The following CHST15 variants were observed in gnomAD, a reference collection of about 807,000 sequenced individuals.
CHST15 encodes B cell RAG associated protein (GALNAC4S-6ST).
CHST15 carries 30 observed loss-of-function variants against 53.6 expected under a neutral mutation model. The ratio of observed to expected loss-of-function variants is 0.56; its 90% CI spans 0.42 to 0.76. CHST15 has a LOEUF of 0.76. Ranked by LOEUF, CHST15 falls within the 30% of genes least tolerant of loss-of-function variation. The pLI is 0.00. For synonymous variants in CHST15, 296 were observed against 289.8 expected, an observed-to-expected ratio of 1.02 and a Z score of -0.22; for missense variants, 627 against 740.5, an observed-to-expected ratio of 0.85 and a Z score of 1.78.
chr10:124,040,766 G>T (rs1947702429), intron 4 of CHST15, among the ~76,000 whole-genome samples: 1 of 152,270 alleles, frequency 6.6e-6, no homozygotes, highest in African/African-American at 2.4e-5. Flanking sequence ...AGCAGGGCTA[G>T]ATACTTGTCA....
chr10:124,090,009 G>A (rs1288828400), intron 1 of CHST15, among the ~76,000 whole-genome samples: 4 of 152,160 alleles, frequency 2.6e-5, no homozygotes, highest in Non-Finnish European at 4.4e-5. Flanking sequence ...AGCTCTGCCC[G>A]CCTCACCTCC....
chr10:124,049,004 G>A (rs1204200764), intron 1 of CHST15, among the ~76,000 whole-genome samples: 1 of 152,176 alleles, frequency 6.6e-6, no homozygotes, highest in Non-Finnish European at 1.5e-5. Flanking sequence ...AACCAGCCCG[G>A]CCTCTGCGAG....
chr10:124,090,591 C>T lies in CHST15; in HGVS notation c.-513+2878G>A, dbSNP rs1949572959. Among the ~76,000 whole-genome samples, 3 of 152,350 alleles carry T rather than the reference C, an allele frequency of 2.0e-5. No individual in the cohort carries two copies. The South Asian group carries it at 6.2e-4, about 32-fold the overall frequency. ...TTTCCCCAAACACTTCTTCTTGATG[C>T]AGGAATTAATCTTCTCTCTTCCAGG... On this transcript the variant is annotated intron_variant, in intron 1 of 7. Coordinates refer to ENST00000435907, the MANE Select transcript of CHST15 (RefSeq NM_001270764.2).
intron 4 of CHST15, among the ~76,000 whole-genome samples, chr10:124,040,958 C>T (rs1353866855): frequency 6.6e-6 from 1 of 152,170 alleles, no homozygotes; most frequent in East Asian, 1.9e-4. Context: ...ATATTTTCAT[C>T]TCTTTCATAA....
chr10:124,039,492 G>T (rs1332787694), intron 4 of CHST15, among the ~76,000 whole-genome samples: 1 of 152,262 alleles, frequency 6.6e-6, no homozygotes, highest in Non-Finnish European at 1.5e-5. Flanking sequence ...AAAAGAGAGA[G>T]GGGCTTTGCC....
chr10:124,074,124 G>C lies in CHST15; in HGVS notation c.-513+19345C>G, dbSNP rs982910066. ...CAGGACAGAAGTGGGTGTGATTAGCGCAAGCTCAAGTCACGCCTGCTGCAC... is the reference window on the plus strand; with the variant it reads ...CAGGACAGAAGTGGGTGTGATTAGCCCAAGCTCAAGTCACGCCTGCTGCAC... On this transcript the variant is annotated intron_variant, in intron 1 of 7. Coordinates refer to ENST00000435907, the MANE Select transcript of CHST15 (RefSeq NM_001270764.2). The surrounding 1 kb of genome is among the most constrained non-coding windows in gnomAD (Gnocchi z 4.4). Among the ~76,000 whole-genome samples the C allele has an allele frequency of 6.6e-6, 1 of 152,192 alleles. No homozygotes were observed.
chr10:124,011,250 G>A (rs1946410746), intron 7 of CHST15, among the ~76,000 whole-genome samples: 1 of 152,336 alleles, frequency 6.6e-6, no homozygotes, highest in Non-Finnish European at 1.5e-5. Context: ...TTAGCCCATA[G>A]ACAGAAAAAG....
At chr10:124,081,273 T>A (rs1949225328) in intron 1 of CHST15, among the ~76,000 whole-genome samples, 1 of 152,238 alleles carries the variant, frequency 6.6e-6, no homozygotes, top group Admixed American at 6.5e-5. Flanking sequence ...ATTAGAAGAA[T>A]GATTACAATC....
At chr10:124,058,437 C>T (rs1421448005) in intron 1 of CHST15, among the ~76,000 whole-genome samples, 1 of 152,218 alleles carries the variant, frequency 6.6e-6, no homozygotes, top group Non-Finnish European at 1.5e-5. Context: ...TGAGGCACAG[C>T]AGGGTTAAAC....
rs1946365720 is a variant in CHST15, at chr10:124,009,974, A to G, written c.*175T>C. On this transcript the variant is annotated 3_prime_UTR_variant, in exon 8 of 8. Transcript: ENST00000435907. ...GAGCTCTGTGAGGGGTCCATTGCTG[A>G]GCTCTCGAACATCACGAAGGAAATT... The G allele has an allele frequency of 6.9e-7, 1 of 1,448,700 alleles. No homozygotes were observed. Among genetic ancestry groups the G allele is most frequent in the Admixed American group, 2.5e-5 (1 of 39,702 alleles). 89.7% of individuals were successfully genotyped at this position (1,448,700 alleles called of 1,614,324 possible). A position where few individuals can be genotyped will look rare whatever the true frequency, so the allele number is the denominator to read the frequency against.
intron 1 of CHST15, among the ~76,000 whole-genome samples, chr10:124,059,302 G>A (rs1330485008): frequency 6.6e-6 from 1 of 152,146 alleles, no homozygotes; most frequent in African/African-American, 2.4e-5. Context: ...CAATTACCAG[G>A]AAAAAGTGAC....
chr10:124,009,092 G>T lies in CHST15; in HGVS notation c.*1057C>A. Reference sequence around the variant, plus strand: ...TTTGACCACACGCAGTGGAGAATGTGGAAATAAACTATTTCCAATGGGAAG... The same window carrying T: ...TTTGACCACACGCAGTGGAGAATGTTGAAATAAACTATTTCCAATGGGAAG... On this transcript the variant is annotated 3_prime_UTR_variant, in exon 8 of 8. Transcript: ENST00000435907. The T allele has an allele frequency of 7.9e-7, 1 of 1,265,390 alleles. No individual in the cohort carries two copies. Among genetic ancestry groups the T allele is most frequent in the Non-Finnish European group, 1.0e-6 (1 of 969,890 alleles). 78.4% of individuals were successfully genotyped at this position (1,265,390 alleles called of 1,614,324 possible).
In CHST15 at chr10:124,009,608, C is replaced by T. The variant is rs1434953527; in HGVS notation, c.*541G>A. 15 of 989,994 alleles carry T rather than the reference C, an allele frequency of 1.5e-5. No individual in the cohort carries two copies. The highest frequency in any genetic ancestry group is 1.7e-5 in the African/African-American group (1 of 57,212). 61.3% of individuals were successfully genotyped at this position (989,994 alleles called of 1,614,324 possible). ...TCTCTGTCCCAGTGAGGTTAGCGAT[C>T]GCAACAAGAGTGTTTCAGAAGTGAA... is the stretch of plus-strand genomic sequence containing the variant. On this transcript the variant is annotated 3_prime_UTR_variant, in exon 8 of 8. Transcript: ENST00000435907.
At chr10:124,010,597 T>A (rs1222893657) in intron 7 of CHST15, 1 of 985,310 alleles carries the variant, frequency 1.0e-6, no homozygotes, top group Non-Finnish European at 1.2e-6. Context: ...TGGCATTTAA[T>A]GATGATACAG....
At position 124,024,328 on chromosome 10, in the gene CHST15, C is replaced by A. The variant is rs1298548129; in HGVS notation, c.1191-2916G>T. 1.3e-5 allele frequency among the ~76,000 whole-genome samples: 2 copies of A among 152,182 alleles called. No individual in the cohort carries two copies. The highest frequency in any genetic ancestry group is 2.9e-5 in the Non-Finnish European group (2 of 68,032). Reference sequence around the variant, plus strand: ...CCCAGAAGCTATCCACCTCCGTAGCCCACCTTGGCACATCGGGTGCCTCTG... The same window carrying A: ...CCCAGAAGCTATCCACCTCCGTAGCACACCTTGGCACATCGGGTGCCTCTG... On this transcript the variant is annotated intron_variant, in intron 5 of 7. Coordinates refer to ENST00000435907, the MANE Select transcript of CHST15 (RefSeq NM_001270764.2). The surrounding 1 kb of genome is among the most constrained non-coding windows in gnomAD (Gnocchi z 4.0).
intron 1 of CHST15, among the ~76,000 whole-genome samples, chr10:124,078,894 G>T (rs560696317): frequency 6.6e-6 from 1 of 152,186 alleles, no homozygotes; most frequent in African/African-American, 2.4e-5. Flanking sequence ...TGAGTGAAGG[G>T]TACACAGGGA....
intron 5 of CHST15, among the ~76,000 whole-genome samples, chr10:124,030,490 G>A (rs1363450400): frequency 1.3e-5 from 2 of 152,156 alleles, no homozygotes; most frequent in African/African-American, 2.4e-5. Context: ...GAGCTGGAGG[G>A]AGAGGTGAGA....
At chr10:124,081,342 ATGCACACACATGCACG>A (rs1409661748) in intron 1 of CHST15, among the ~76,000 whole-genome samples, 1 of 16,170 alleles carries the variant, frequency 6.2e-5, no homozygotes, top group Non-Finnish European at 1.3e-4. Flanking sequence ...AGGTCCATGC[ATGCACACACATGCACG>A]CATGCACACA....
At chr10:124,034,558 C>A (rs375453575) in intron 5 of CHST15, among the ~76,000 whole-genome samples, 1 of 148,602 alleles carries the variant, frequency 6.7e-6, no homozygotes, top group Non-Finnish European at 1.5e-5. Flanking sequence ...CATCCCCTAA[C>A]AGGGACCCTG....
Sources: gnomAD v4.1 joint callset for allele counts (sites outside exome capture counted in the v4.1 genomes callset) on GRCh38, gnomAD v4.1.1 for gene constraint, Gnocchi (gnomAD v3.1) non-coding constraint, MANE v1.5 for transcripts, NCBI Gene and HGNC (gene_info 2026-07-23, HGNC 2026-07-21) for gene names.